The following CAP1 variants were observed in gnomAD, a reference collection of about 807,000 sequenced individuals.
CAP1 encodes the protein cyclase associated actin cytoskeleton regulatory protein 1.
In CAP1, 11 loss-of-function variants were observed where a neutral mutation model predicts 58.2. That is an observed-to-expected ratio of 0.19 (90% CI 0.12 to 0.31). The LOEUF is 0.31. Among genes scored for constraint, CAP1 ranks in the 10% least tolerant of loss-of-function variants. CAP1 has a pLI of 1.00. For synonymous variants in CAP1, 183 were observed against 213.8 expected (o/e 0.86, Z 1.26); for missense variants, 423 against 587.5 (o/e 0.72, Z 2.89).
At chr1:40,070,654 G>C in intron 11 of CAP1, 142 bp downstream of exon 11, 1 of 925,950 alleles carries the variant, frequency 1.1e-6, no homozygotes, top group Non-Finnish European at 1.7e-6. Context: ...GCAGAAGAAG[G>C]GTTGGCTCTT....
intron 1 of CAP1, among the ~76,000 whole-genome samples, chr1:40,051,440 T>C (rs998613619): frequency 6.6e-6 from 1 of 152,128 alleles, no homozygotes; most frequent in Non-Finnish European, 1.5e-5. Flanking sequence ...CATGTAGTTA[T>C]AGTCCCAGTA....
intron 8 of CAP1, among the ~76,000 whole-genome samples, chr1:40,069,334 C>T (rs3122423): frequency 0.87 from 130,991 of 149,890 alleles, 57,353 homozygotes; most frequent in Non-Finnish European, 0.91. Flanking sequence ...GTATTTTTTT[C>T]TTTTCCTTTT....
chr1:40,061,669 G>T, intron 3 of CAP1, 66 bp from the exon 4 acceptor site: 2 of 1,312,024 alleles, frequency 1.5e-6, no homozygotes, highest in African/African-American at 1.4e-5. Flanking sequence ...AGAGGTTTCA[G>T]GTTATTCTTA....
At chr1:40,061,332 GA>G (rs2124361042) in intron 3 of CAP1, among the ~76,000 whole-genome samples, 1 of 152,344 alleles carries the variant, frequency 6.6e-6, no homozygotes, top group East Asian at 1.9e-4. Context: ...ATTTTCAGCA[GA>G]AATTTAGGCC....
At chr1:40,071,316 TG>T in intron 12 of CAP1, 133 bp from the exon 13 acceptor site, 1 of 650,384 alleles carries the variant, frequency 1.5e-6, no homozygotes, top group Non-Finnish European at 2.7e-6. Context: ...CATGGCTCTG[TG>T]GGTTTGTCTC....
At chr1:40,048,951 C>T (rs1220670257) in intron 1 of CAP1, among the ~76,000 whole-genome samples, 1 of 152,094 alleles carries the variant, frequency 6.6e-6, no homozygotes, top group Non-Finnish European at 1.5e-5. Context: ...CTTAGAAAAA[C>T]AACTGTGGGA....
At chr1:40,067,510 T>G (rs1057000885) in intron 7 of CAP1, 30 bp from the exon 8 acceptor site, 11 of 1,579,028 alleles carry the variant, frequency 7.0e-6, no homozygotes, top group Non-Finnish European at 9.5e-6. Flanking sequence ...GCAGAGAGGA[T>G]GATGATGTTA....
At chr1:40,046,469 AC>A (rs2124175384) in intron 1 of CAP1, among the ~76,000 whole-genome samples, 1 of 42,168 alleles carries the variant, frequency 2.4e-5, no homozygotes, top group East Asian at 9.0e-4. Flanking sequence ...TCTCAAAAAA[AC>A]AAAACAAAAC....
At chr1:40,045,073 C>T (rs542472514) in intron 1 of CAP1, among the ~76,000 whole-genome samples, 153 of 151,948 alleles carry the variant, frequency 1.0e-3, no homozygotes, top group Non-Finnish European at 1.7e-3. Flanking sequence ...TGTGAGCCAC[C>T]GCGCCTGGCC....
In CAP1 at chr1:40,054,336, G is replaced by A. The variant is rs1010442086; in HGVS notation, c.-10-5001G>A. ...CTCCCAAGTAGCTGGGACTACAGGC[G>A]CATACCACCACGCCTGGCTAAGTAG... is the stretch of plus-strand genomic sequence containing the variant. On this transcript the variant is annotated intron_variant, in intron 1 of 12. Coordinates refer to ENST00000372805, the MANE Select transcript of CAP1 (RefSeq NM_006367.4). Among the ~76,000 whole-genome samples, 12 of 151,896 alleles carry A rather than the reference G, an allele frequency of 7.9e-5. 1 individual carries two copies. The highest frequency in any genetic ancestry group is 2.1e-4 in the South Asian group (1 of 4,804).
chr1:40,043,439 G>T (rs962269784), intron 1 of CAP1, among the ~76,000 whole-genome samples: 1 of 152,008 alleles, frequency 6.6e-6, no homozygotes, highest in African/African-American at 2.4e-5. Flanking sequence ...CTCGTGATCC[G>T]CCTGCCTCGC....
chr1:40,044,968 T>C (rs1646021898), intron 1 of CAP1, among the ~76,000 whole-genome samples: 1 of 151,830 alleles, frequency 6.6e-6, no homozygotes, highest in Admixed American at 6.6e-5. Context: ...AGCTAATTTT[T>C]TGTATTTTTA....
intron 1 of CAP1, among the ~76,000 whole-genome samples, chr1:40,045,023 A>G (rs1190849936): frequency 2.0e-5 from 3 of 151,746 alleles, no homozygotes; most frequent in Non-Finnish European, 4.4e-5. Context: ...TGATCTCGTG[A>G]TCTGCTCGCC....
At chr1:40,066,119 G>A in intron 6 of CAP1, 96 bp from the exon 7 acceptor site, 1 of 714,640 alleles carries the variant, frequency 1.4e-6, no homozygotes, top group East Asian at 2.6e-5. Context: ...AACACCACGG[G>A]TAGGAGAATG....
intron 10 of CAP1, 70 bp downstream of exon 10, chr1:40,070,352 C>T: frequency 6.2e-7 from 1 of 1,608,220 alleles, no homozygotes; most frequent in South Asian, 1.1e-5. Context: ...ATTTTACCTA[C>T]CCTATCCTTA....
At chr1:40,063,547 C>A (rs895625486) in intron 4 of CAP1, among the ~76,000 whole-genome samples, 1 of 152,180 alleles carries the variant, frequency 6.6e-6, no homozygotes, top group African/African-American at 2.4e-5. Context: ...CTCCTGGTCT[C>A]AAGCAGTTCT....
chr1:40,046,081 A>G (rs1379635923), intron 1 of CAP1, among the ~76,000 whole-genome samples: 1 of 152,218 alleles, frequency 6.6e-6, no homozygotes, highest in Admixed American at 6.5e-5. Context: ...TCTATTGAAA[A>G]TTGTGTGAAT....
intron 1 of CAP1, among the ~76,000 whole-genome samples, chr1:40,055,390 C>G (rs1369941880): frequency 1.3e-5 from 2 of 152,122 alleles, no homozygotes; most frequent in African/African-American, 4.8e-5. Flanking sequence ...CCATTCAGTA[C>G]TCTGGGAAGT....
At chr1:40,043,494 C>G (rs3131685) in intron 1 of CAP1, among the ~76,000 whole-genome samples, 2 of 152,012 alleles carry the variant, frequency 1.3e-5, no homozygotes, top group Non-Finnish European at 2.9e-5. Flanking sequence ...CCGCACCCGG[C>G]GTGAAGGGCT....
Sources: allele counts gnomAD v4.1 joint callset (sites outside exome capture counted in the v4.1 genomes callset), GRCh38; gene constraint gnomAD v4.1.1; transcripts MANE v1.5; gene names NCBI Gene and HGNC (gene_info 2026-07-23, HGNC 2026-07-21).